DPP8: variants seen among roughly 807,000 people sequenced by gnomAD.
DPP8 encodes DPP VIII.
In DPP8, 31 loss-of-function variants were observed where a neutral mutation model predicts 107.5. That is an observed-to-expected ratio of 0.29 (90% CI 0.22 to 0.39). DPP8 has a LOEUF of 0.39. Ranked by LOEUF, DPP8 falls within the 10% of genes least tolerant of loss-of-function variation. The pLI is 1.00. For missense variants in DPP8, 842 were observed against 1,076.1 expected (o/e 0.78, Z 3.04); for synonymous variants, 381 against 356.6 (o/e 1.07, Z -0.77).
chr15:65,461,088 T>C (rs982050756), intron 15 of DPP8, among the ~76,000 whole-genome samples: 1 of 152,210 alleles, frequency 6.6e-6, no homozygotes, highest in African/African-American at 2.4e-5. Flanking sequence ...ACTAGTCATA[T>C]TGAGCATCTT....
At chr15:65,466,353 G>A (rs569635182) in intron 14 of DPP8, among the ~76,000 whole-genome samples, 4 of 152,078 alleles carry the variant, frequency 2.6e-5, no homozygotes, top group Non-Finnish European at 5.9e-5. Context: ...GGCCAGGCTG[G>A]TCCCGAACTC....
chr15:65,454,441 C>T, intron 16 of DPP8, 26 bp from the exon 17 acceptor site: 1 of 1,574,286 alleles, frequency 6.4e-7, no homozygotes, highest in Non-Finnish European at 8.6e-7. Context: ...GAACATTTCA[C>T]TGATTCTGAT....
rs756360929 is a variant in DPP8 at position 65,498,035 on chromosome 15, A to G, written c.547-3T>C. 5.1e-6 allele frequency: 8 copies of G among 1,582,386 alleles called. No homozygotes were observed. The highest frequency in any genetic ancestry group is 2.3e-5 in the East Asian group (1 of 44,214). On this transcript the variant is annotated splice_region_variant and splice_polypyrimidine_tract_variant and intron_variant, in intron 4 of 19. Coordinates refer to ENST00000300141, the MANE Select transcript of DPP8 (RefSeq NM_130434.5). Reference sequence around the variant, plus strand: ...AGATTGGGCCTTAAAGGTTGTTGCTAGAAAAGTAAACAACATTTTAAGGTA... The same window carrying G: ...AGATTGGGCCTTAAAGGTTGTTGCTGGAAAAGTAAACAACATTTTAAGGTA...
intron 5 of DPP8, among the ~76,000 whole-genome samples, chr15:65,494,203 G>A (rs2068342959): frequency 7.9e-6 from 1 of 126,490 alleles, no homozygotes; most frequent in Non-Finnish European, 1.6e-5. Flanking sequence ...ACCAAGGCGG[G>A]AGTGCAGTGG....
intron 15 of DPP8, among the ~76,000 whole-genome samples, chr15:65,460,917 G>A (rs988304604): frequency 6.6e-6 from 1 of 152,172 alleles, no homozygotes; most frequent in Admixed American, 6.5e-5. Context: ...GTTTTCCACA[G>A]CAGCTATAAC....
intron 15 of DPP8, among the ~76,000 whole-genome samples, chr15:65,463,458 C>CTTGAACCTGGGAGGCGGAGG (rs2140455010): frequency 1.3e-5 from 2 of 151,890 alleles, no homozygotes; most frequent in African/African-American, 4.8e-5. Context: ...AGAAGAATCA[C>CTTGAACCTGGGAGGCGGAGG]TTGAACCTGG....
chr15:65,456,228 T>G lies in DPP8; in HGVS notation c.2115A>C (p.Lys705Asn). 6.2e-7 allele frequency: 1 copy of G among 1,606,916 alleles called. No homozygotes were observed. The highest frequency in any genetic ancestry group is 8.5e-7 in the Non-Finnish European group (1 of 1,178,374). The change falls in exon 16 of 20, where the codon AAA (lysine) becomes AAC (asparagine). Residue 705 changes from lysine to asparagine, a missense_variant. Transcript: ENST00000300141. Reference sequence around the variant, plus strand: ...AAAGTGTTTTATGCTCACACACCATTTTATATTTAAAGGCGCCTTCAAATT... The same window carrying G: ...AAAGTGTTTTATGCTCACACACCATGTTATATTTAAAGGCGCCTTCAAATT... ...GLKFEGAFKY[K>N]MGQIEIDDQV... is the part of the protein sequence containing the mutation.
chr15:65,473,735 A>G (rs1457379219), intron 12 of DPP8, among the ~76,000 whole-genome samples: 1 of 152,198 alleles, frequency 6.6e-6, no homozygotes, highest in Non-Finnish European at 1.5e-5. Context: ...AAAATAAATG[A>G]GATTTATCAT....
intron 10 of DPP8, among the ~76,000 whole-genome samples, chr15:65,479,701 G>A (rs549584608): frequency 1.8e-4 from 27 of 151,472 alleles, no homozygotes; most frequent in South Asian, 4.2e-4. Flanking sequence ...AAAATTAGCC[G>A]GGCGCGGTGG....
chr15:65,489,853 G>C (rs1468220735), intron 6 of DPP8, among the ~76,000 whole-genome samples: 1 of 152,098 alleles, frequency 6.6e-6, no homozygotes, highest in South Asian at 2.1e-4. Flanking sequence ...GCGTAGCTGG[G>C]ATTACAGGCG....
chr15:65,456,177 C>G, intron 16 of DPP8, 48 bp downstream of exon 16: 1 of 1,586,378 alleles, frequency 6.3e-7, no homozygotes, highest in South Asian at 1.2e-5. Context: ...AACAATGGAC[C>G]AGAAAATGTA....
At chr15:65,474,095 ACT>A in intron 12 of DPP8, 112 bp downstream of exon 12, 4 of 777,324 alleles carry the variant, frequency 5.1e-6, no homozygotes, top group East Asian at 5.4e-5. Flanking sequence ...ACAGAGCAAG[ACT>A]CTGTCTCGGA....
intron 1 of DPP8, 180 bp from the exon 2 acceptor site, chr15:65,512,744 T>C (rs931212457): frequency 4.8e-6 from 3 of 623,628 alleles, no homozygotes; most frequent in Admixed American, 6.3e-5. Context: ...GTGTTCAGTT[T>C]AAAAATGAAA....
chr15:65,460,867 T>C (rs768530094), intron 15 of DPP8, among the ~76,000 whole-genome samples: 5 of 152,232 alleles, frequency 3.3e-5, no homozygotes, highest in Admixed American at 2.6e-4. Context: ...CTGGCTCATA[T>C]AGTAATTCTA....
intron 12 of DPP8, among the ~76,000 whole-genome samples, chr15:65,468,633 A>C (rs1733562996): frequency 6.6e-6 from 1 of 152,196 alleles, no homozygotes; most frequent in Non-Finnish European, 1.5e-5. Context: ...GCATGCATAA[A>C]TAGAAATCAA....
At chr15:65,488,721 T>C (rs1306798789) in intron 6 of DPP8, among the ~76,000 whole-genome samples, 1 of 152,126 alleles carries the variant, frequency 6.6e-6, no homozygotes, top group Admixed American at 6.6e-5. Flanking sequence ...CAGTTTTATC[T>C]ATACAGTATA....
intron 6 of DPP8, among the ~76,000 whole-genome samples, chr15:65,488,376 A>T (rs1386756154): frequency 2.6e-5 from 4 of 151,994 alleles, no homozygotes; most frequent in Admixed American, 1.3e-4. Flanking sequence ...AACGGGTCAT[A>T]ATCAGTATTT....
At chr15:65,499,142 G>A (rs2068927634) in intron 4 of DPP8, among the ~76,000 whole-genome samples, 2 of 147,244 alleles carry the variant, frequency 1.4e-5, no homozygotes, top group Non-Finnish European at 3.0e-5. Context: ...AGCTTTCAAG[G>A]GAAACAAAAA....
At position 65,477,854 on chromosome 15, in the gene DPP8, G is replaced by C. The variant is rs554583479; in HGVS notation, c.1456+1026C>G. Among the ~76,000 whole-genome samples, 5 of 152,136 alleles carry C rather than the reference G, an allele frequency of 3.3e-5. No individual in the cohort carries two copies. In the South Asian group the frequency reaches 8.3e-4, roughly 25 times the overall value. On this transcript the variant is annotated intron_variant, in intron 11 of 19. Transcript: ENST00000300141. ...GCCTTTTTCCACAATTATTAAAAAG[G>C]ACCATGCCAAATCTGTTAAGTTACA...
Sources: allele counts gnomAD v4.1 joint callset (sites outside exome capture counted in the v4.1 genomes callset), GRCh38; gene constraint gnomAD v4.1.1; transcripts MANE v1.5; gene names NCBI Gene and HGNC (gene_info 2026-07-23, HGNC 2026-07-21).